The following SLC17A6 variants were observed in gnomAD, a reference collection of about 807,000 sequenced individuals.
SLC17A6 encodes solute carrier family 17 member 6.
A neutral mutation model predicts 67.1 loss-of-function variants in SLC17A6; 35 were observed. That is an observed-to-expected ratio of 0.52 (90% CI 0.40 to 0.69). The LOEUF is 0.69. Ranked by LOEUF, SLC17A6 falls within the 30% of genes least tolerant of loss-of-function variation. The pLI, the probability that SLC17A6 is intolerant of heterozygous loss-of-function variation, is 0.00. For synonymous variants in SLC17A6, 285 were observed against 252.3 expected, an observed-to-expected ratio of 1.13 and a Z score of -1.23; for missense variants, 588 against 723.9, an observed-to-expected ratio of 0.81 and a Z score of 2.15.
chr11:22,373,195 T>C (rs138698605), intron 8 of SLC17A6, among the ~76,000 whole-genome samples: 193 of 152,312 alleles, frequency 1.3e-3, no homozygotes, highest in African/African-American at 4.4e-3. Flanking sequence ...AAAAAACTTT[T>C]CAGATGTATT....
intron 9 of SLC17A6, 115 bp from the exon 10 acceptor site, chr11:22,375,867 T>C: frequency 1.7e-6 from 1 of 600,190 alleles, no homozygotes; most frequent in Non-Finnish European, 3.0e-6. Flanking sequence ...GTTTTGAAGA[T>C]AGACTCTCTG....
intron 3 of SLC17A6, among the ~76,000 whole-genome samples, chr11:22,353,470 C>T (rs1480033127): frequency 6.6e-6 from 1 of 151,846 alleles, no homozygotes; most frequent in Non-Finnish European, 1.5e-5. Context: ...GTAATGACAA[C>T]TTGCTCAAAG....
rs367640245 is a variant in SLC17A6, at chr11:22,377,659, T to C, written c.1668T>C (p.Ser556=). 4.4e-4 allele frequency: 708 copies of C among 1,613,454 alleles called. No homozygotes were observed. Among genetic ancestry groups the C allele is most frequent in the Non-Finnish European group, 5.9e-4 (693 of 1,179,892 alleles). ...ATTQANGGWP[S]GWEKKEEFVQ... ...CACAGGCCAATGGAGGTTGGCCTAG[T>C]GGTTGGGAAAAGAAAGAGGAATTTG... The change falls in exon 12 of 12, where the codon AGT becomes AGC. Residue 556 remains serine, a synonymous_variant. Coordinates refer to ENST00000263160, the MANE Select transcript of SLC17A6 (RefSeq NM_020346.3).
intron 5 of SLC17A6, 134 bp from the exon 6 acceptor site, chr11:22,362,605 G>A: frequency 1.5e-6 from 1 of 683,710 alleles, no homozygotes; most frequent in Non-Finnish European, 2.6e-6. Context: ...GGTGATGGAG[G>A]GTATGTGCAT....
chr11:22,352,746 GGT>G (rs1350363194), intron 3 of SLC17A6, among the ~76,000 whole-genome samples: 1 of 152,146 alleles, frequency 6.6e-6, no homozygotes, highest in Non-Finnish European at 1.5e-5. Flanking sequence ...TTGAAAAAGA[GGT>G]GTGTTTTTGA....
chr11:22,342,205 A>C (rs1411664600), intron 2 of SLC17A6, among the ~76,000 whole-genome samples: 1 of 152,256 alleles, frequency 6.6e-6, no homozygotes, highest in Non-Finnish European at 1.5e-5. Context: ...AAACAAAATC[A>C]GCTGTGTTCA....
chr11:22,372,965 A>G (rs1484941047), intron 8 of SLC17A6, among the ~76,000 whole-genome samples: 1 of 152,158 alleles, frequency 6.6e-6, no homozygotes, highest in Non-Finnish European at 1.5e-5. Flanking sequence ...TATTAAGAAA[A>G]TAGGAGAGTC....
chr11:22,341,272 TG>T (rs1855812250), intron 1 of SLC17A6, among the ~76,000 whole-genome samples: 1 of 152,104 alleles, frequency 6.6e-6, no homozygotes, highest in Admixed American at 6.5e-5. Context: ...GATCCCGAGA[TG>T]GGGACTCGCT....
chr11:22,345,603 T>C lies in SLC17A6; in HGVS notation c.458+2238T>C, dbSNP rs115775434. On this transcript the variant is annotated intron_variant, in intron 3 of 11. Transcript: ENST00000263160. ...ATATATGATATGTTATGTTCTATGA[T>C]ACTGAGAAAATTAAATTAAAAATGT... Among the ~76,000 whole-genome samples, 682 of 152,292 alleles carry C rather than the reference T, an allele frequency of 4.5e-3. 8 individuals carry two copies. Among genetic ancestry groups the C allele is most frequent in the African/African-American group, 0.016 (660 of 41,562 alleles).
chr11:22,378,402 T>C lies in SLC17A6; in HGVS notation c.*662T>C, dbSNP rs1394688659. The C allele has an allele frequency of 1.3e-5, 2 of 152,636 alleles. No individual in the cohort carries two copies. The highest frequency in any genetic ancestry group is 4.8e-5 in the African/African-American group (2 of 41,462). 9.5% of individuals were successfully genotyped at this position (152,636 alleles called of 1,614,324 possible). A position where few individuals can be genotyped will look rare whatever the true frequency, so the allele number is the denominator to read the frequency against. On this transcript the variant is annotated 3_prime_UTR_variant, in exon 12 of 12. Transcript: ENST00000263160. ...AAGTTGAGGGGTATGCTTCATGTTC[T>C]TCCATCCATTTACCTAATAGTATGA...
At position 22,362,832 on chromosome 11, in the gene SLC17A6, T is replaced by C. The variant is rs1856067960; in HGVS notation, c.748+7T>C. On this transcript the variant is annotated splice_region_variant and intron_variant, in intron 6 of 11. Transcript: ENST00000263160. The stretch of plus-strand genomic sequence containing the variant: ...TCAGTGTTTTATGTCTACGGTATGT[T>C]ATATTTCTATGCAATAGAGTTAAAG... 6.2e-7 allele frequency: 1 copy of C among 1,609,778 alleles called. No homozygotes were observed. The highest frequency in any genetic ancestry group is 1.1e-5 in the South Asian group (1 of 90,976).
Position 22,353,429 on chromosome 11 carries a change from C to G in SLC17A6, c.459-5984C>G, listed in dbSNP as rs75613154. On this transcript the variant is annotated intron_variant, in intron 3 of 11. Transcript: ENST00000263160. ...ATACTATTTAAATGCCTACAAGGAA[C>G]AGACTGAGAAATGAGGCTAAAAGAA... Among the ~76,000 whole-genome samples, 991 of 152,260 alleles carry G rather than the reference C, an allele frequency of 6.5e-3. 41 individuals are homozygous for G. In the East Asian group the frequency reaches 0.12, roughly 19 times the overall value.
intron 2 of SLC17A6, 32 bp from the exon 3 acceptor site, chr11:22,343,215 T>C: frequency 6.4e-7 from 1 of 1,568,388 alleles, no homozygotes; most frequent in African/African-American, 1.4e-5. Context: ...CTCTACTCTT[T>C]CCCTTCACAC....
At chr11:22,347,834 T>G (rs1269636367) in intron 3 of SLC17A6, among the ~76,000 whole-genome samples, 1 of 152,230 alleles carries the variant, frequency 6.6e-6, no homozygotes, top group East Asian at 1.9e-4. Context: ...GAAATCCATT[T>G]TAGCTTGAGG....
At chr11:22,374,534 A>C (rs532341179) in intron 8 of SLC17A6, among the ~76,000 whole-genome samples, 1 of 152,092 alleles carries the variant, frequency 6.6e-6, no homozygotes, top group African/African-American at 2.4e-5. Context: ...GGCAAAAAAA[A>C]AAAAATTACC....
chr11:22,341,605 G>T lies in SLC17A6; in HGVS notation c.164G>T (p.Arg55Met). 1 of 1,614,122 alleles carries T rather than the reference G, an allele frequency of 6.2e-7. No individual in the cohort carries two copies. The highest frequency in any genetic ancestry group is 8.5e-7 in the Non-Finnish European group (1 of 1,180,042). ...EDGKPLEVPERKAPLCDCTCF... is the reference protein window; with the variant it reads ...EDGKPLEVPEMKAPLCDCTCF... ...GGGAAGCCCCTAGAGGTGCCCGAGA[G>T]GAAGGCGCCGCTGTGCGACTGCACG... The change falls in exon 2 of 12, where the codon AGG becomes ATG. Residue 55 changes from arginine (R) to methionine (M), a missense_variant. Arg to Met is a moderately conservative substitution (Grantham distance 91). Coordinates refer to ENST00000263160, the MANE Select transcript of SLC17A6 (RefSeq NM_020346.3).
intron 1 of SLC17A6, among the ~76,000 whole-genome samples, chr11:22,339,935 T>A (rs1855795282): frequency 6.6e-6 from 1 of 152,166 alleles, no homozygotes; most frequent in Non-Finnish European, 1.5e-5. Context: ...TTGGCTGAAT[T>A]TTTTTCTCCC....
intron 3 of SLC17A6, among the ~76,000 whole-genome samples, chr11:22,359,130 T>C (rs1353537082): frequency 6.6e-6 from 1 of 152,212 alleles, no homozygotes; most frequent in Non-Finnish European, 1.5e-5. Context: ...ATTAAATATT[T>C]ATAATTTGTA....
At chr11:22,350,783 T>C (rs769500831) in intron 3 of SLC17A6, among the ~76,000 whole-genome samples, 3 of 152,184 alleles carry the variant, frequency 2.0e-5, no homozygotes, top group Non-Finnish European at 4.4e-5. Context: ...TGAAATGAAA[T>C]ACCAGACTGC....
Sources: allele counts gnomAD v4.1 joint callset (sites outside exome capture counted in the v4.1 genomes callset), GRCh38; gene constraint gnomAD v4.1.1; transcripts MANE v1.5; gene names NCBI Gene and HGNC (gene_info 2026-07-23, HGNC 2026-07-21).